TOM1: variants seen among roughly 807,000 people sequenced by gnomAD.
TOM1 encodes the protein target of Myb protein 1.
A neutral mutation model predicts 61.3 loss-of-function variants in TOM1; 38 were observed. That is an observed-to-expected ratio of 0.62 (90% CI 0.48 to 0.81). The LOEUF is 0.81. Among genes scored for constraint, TOM1 ranks in the 40% least tolerant of loss-of-function variants. The pLI, the probability that TOM1 is intolerant of heterozygous loss-of-function variation, is 0.00. For synonymous variants in TOM1, 270 were observed against 268.8 expected (o/e 1.00, Z -0.04); for missense variants, 591 against 659.6 (o/e 0.90, Z 1.14).
In TOM1 at chr22:35,299,970, A is replaced by T; in HGVS notation, c.42A>T (p.Gly14=). The T allele has an allele frequency of 6.3e-7, 1 of 1,577,716 alleles. No homozygotes were observed. The highest frequency in any genetic ancestry group is 8.6e-7 in the Non-Finnish European group (1 of 1,160,488). The change falls in exon 1 of 15, where the codon GGA becomes GGT. Residue 14 remains glycine, a synonymous_variant. Transcript: ENST00000449058. The part of the protein sequence containing the change: ...LLGNPFSSPV[G]QRIEKATDGS... Reference sequence around the variant, plus strand: ...GGAACCCGTTCAGCTCTCCAGTGGGACAGCGCATCGGTGAGTCCCTGGAGC... The same window carrying T: ...GGAACCCGTTCAGCTCTCCAGTGGGTCAGCGCATCGGTGAGTCCCTGGAGC...
In TOM1 at chr22:35,335,927, G is replaced by T. The variant is rs1414912092; in HGVS notation, c.1148+1479G>T. ...GCATGTGCAAAGTCTCAGAGGCAGGGCGGGAGAGAGGTGCCCTGGCTCCCG... is the reference window on the plus strand; with the variant it reads ...GCATGTGCAAAGTCTCAGAGGCAGGTCGGGAGAGAGGTGCCCTGGCTCCCG... On this transcript the variant is annotated intron_variant, in intron 11 of 14. Transcript: ENST00000449058. Among the ~76,000 whole-genome samples, 4 of 152,272 alleles carry T rather than the reference G, an allele frequency of 2.6e-5. No individual in the cohort carries two copies. The East Asian group carries it at 7.7e-4, about 29-fold the overall frequency.
Position 35,344,728 on chromosome 22 carries a change from T to C in TOM1, c.1225-997T>C, listed in dbSNP as rs1277446450. The C allele has an allele frequency of 2.1e-4, 32 of 152,202 alleles. 1 individual carries two copies. Among genetic ancestry groups the C allele is most frequent in the Admixed American group, 2.1e-3 (32 of 15,280 alleles). 9.4% of individuals were successfully genotyped at this position (152,202 alleles called of 1,614,324 possible). A position where few individuals can be genotyped will look rare whatever the true frequency, so the allele number is the denominator to read the frequency against. On this transcript the variant is annotated intron_variant, in intron 12 of 14. Transcript: ENST00000449058. ...AAGACTCTGTCTGTCTTTTCCAAAG[T>C]AGCTCACTAGTAACTAGTGCTATTA... is the stretch of plus-strand genomic sequence containing the variant.
intron 8 of TOM1, 43 bp downstream of exon 8, chr22:35,330,523 C>G: frequency 6.4e-7 from 1 of 1,555,142 alleles, no homozygotes; most frequent in Non-Finnish European, 8.7e-7. Context: ...ACTGCCCCAA[C>G]CCTCTCCCTT....
intron 6 of TOM1, among the ~76,000 whole-genome samples, chr22:35,325,725 T>C (rs1268840713): frequency 6.6e-6 from 1 of 152,230 alleles, no homozygotes; most frequent in Admixed American, 6.5e-5. Context: ...TTTTAACCAA[T>C]TTTCTGAAGT....
At chr22:35,337,486 G>C (rs1022466636) in intron 11 of TOM1, among the ~76,000 whole-genome samples, 3 of 152,238 alleles carry the variant, frequency 2.0e-5, no homozygotes, top group African/African-American at 7.2e-5. Flanking sequence ...GATGGGAGCC[G>C]TGTAACCAGG....
chr22:35,304,801 A>G (rs1386992835), intron 1 of TOM1, among the ~76,000 whole-genome samples: 1 of 152,240 alleles, frequency 6.6e-6, no homozygotes, highest in Non-Finnish European at 1.5e-5. Context: ...TTATAGACAG[A>G]TATCAAGAAA....
chr22:35,339,741 A>G (rs578024602), intron 12 of TOM1, among the ~76,000 whole-genome samples: 1 of 152,040 alleles, frequency 6.6e-6, no homozygotes, highest in African/African-American at 2.4e-5. Context: ...CGTCTCTACT[A>G]AAAATACAAA....
chr22:35,333,358 AAGCTGCAGAC>A (rs779629370), intron 9 of TOM1, 36 bp from the exon 10 acceptor site: 1 of 1,568,036 alleles, frequency 6.4e-7, no homozygotes, highest in South Asian at 1.1e-5. Context: ...GAAAGGAACG[AAGCTGCAGAC>A]AGCGGGGATG....
chr22:35,307,127 T>C (rs1926392637), intron 1 of TOM1, among the ~76,000 whole-genome samples: 1 of 152,202 alleles, frequency 6.6e-6, no homozygotes, highest in African/African-American at 2.4e-5. Flanking sequence ...AACTCTTTAC[T>C]GCCTTACTAA....
chr22:35,308,168 C>G (rs917429262), intron 1 of TOM1, among the ~76,000 whole-genome samples: 1 of 152,128 alleles, frequency 6.6e-6, no homozygotes, highest in African/African-American at 2.4e-5. Flanking sequence ...ACTTGCTAAG[C>G]CTTCACACCT....
Position 35,334,463 on chromosome 22 carries a change from C to G in TOM1, c.1148+15C>G. On this transcript the variant is annotated intron_variant, in intron 11 of 14. Coordinates refer to ENST00000449058, the MANE Select transcript of TOM1 (RefSeq NM_005488.3). The stretch of plus-strand genomic sequence containing the variant: ...CAACGGAAAGAGTGAGTGGCCTGGC[C>G]CTGCCCTGGTCCCCTGCAGTTCGGG... 1 of 1,613,600 alleles carries G rather than the reference C, an allele frequency of 6.2e-7. No individual in the cohort carries two copies. Among genetic ancestry groups the G allele is most frequent in the Admixed American group, 1.7e-5 (1 of 60,010 alleles).
At chr22:35,322,880 C>G in intron 3 of TOM1, 148 bp from the exon 4 acceptor site, 1 of 942,008 alleles carries the variant, frequency 1.1e-6, no homozygotes, top group Non-Finnish European at 1.5e-6. Context: ...TTGTCCCAGT[C>G]CTCCACATTC....
chr22:35,322,930 C>T, intron 3 of TOM1, 98 bp from the exon 4 acceptor site: 1 of 1,428,778 alleles, frequency 7.0e-7, no homozygotes, highest in Non-Finnish European at 9.5e-7. Context: ...CTCTCCCGGG[C>T]CTCCTCTCTG....
chr22:35,301,723 A>G (rs1349929412), intron 1 of TOM1, among the ~76,000 whole-genome samples: 1 of 152,076 alleles, frequency 6.6e-6, no homozygotes, highest in African/African-American at 2.4e-5. Context: ...ATGCTCTCCA[A>G]GGGGGAGGTG....
At chr22:35,302,330 C>CTT (rs138734) in intron 1 of TOM1, among the ~76,000 whole-genome samples, 829 of 70,890 alleles carry the variant, frequency 0.012, 23 homozygotes, top group African/African-American at 0.042. Flanking sequence ...TTTTCTTTTT[C>CTT]TTTTTTTTTT....
chr22:35,343,442 CCA>C (rs1254248473), intron 12 of TOM1, among the ~76,000 whole-genome samples: 8 of 128,814 alleles, frequency 6.2e-5, no homozygotes, highest in African/African-American at 8.7e-5. Context: ...TCTACACCCA[CCA>C]CACACACCTA....
chr22:35,332,747 T>C (rs773568229), intron 8 of TOM1, among the ~76,000 whole-genome samples: 8 of 152,230 alleles, frequency 5.3e-5, no homozygotes, highest in Non-Finnish European at 1.2e-4. Flanking sequence ...TAAGGTTGCC[T>C]TATAATTGAT....
chr22:35,328,694 A>C (rs1928552672), intron 7 of TOM1, among the ~76,000 whole-genome samples: 1 of 152,194 alleles, frequency 6.6e-6, no homozygotes, highest in Admixed American at 6.5e-5. Flanking sequence ...GCGATGAGGA[A>C]ATCCCGGAGG....
At chr22:35,302,006 T>C (rs940488612) in intron 1 of TOM1, among the ~76,000 whole-genome samples, 4 of 152,242 alleles carry the variant, frequency 2.6e-5, no homozygotes, top group African/African-American at 9.6e-5. Context: ...CTTAAGGCTT[T>C]CTGGAAAAGC....
Sources: allele counts gnomAD v4.1 joint callset (sites outside exome capture counted in the v4.1 genomes callset), GRCh38; gene constraint gnomAD v4.1.1; transcripts MANE v1.5; gene names NCBI Gene and HGNC (gene_info 2026-07-23, HGNC 2026-07-21).